SSBP4: variants seen among roughly 807,000 people sequenced by gnomAD.
SSBP4 encodes single-stranded DNA-binding protein 4.
Under a neutral mutation model 64.6 loss-of-function variants are expected in SSBP4, and 33 were observed. That is an observed-to-expected ratio of 0.51 (90% CI 0.39 to 0.68). The LOEUF is 0.68. Among genes scored for constraint, SSBP4 ranks in the 30% least tolerant of loss-of-function variants. The probability of loss-of-function intolerance (pLI) is 0.00; values close to 1 mark genes in which losing one functional copy is unlikely to be tolerated. For missense variants in SSBP4, 583 were observed against 566.8 expected (o/e 1.03, Z -0.29); for synonymous variants, 243 against 224.0 (o/e 1.08, Z -0.76).
At chr19:18,407,957 C>A in the SSBP4 span, among the ~76,000 whole-genome samples, 1 of 152,280 alleles carries the variant, frequency 6.6e-6, no homozygotes, top group South Asian at 2.1e-4. Flanking sequence ...ATTGCCCAGA[C>A]TGGTCTCAAA....
Position 18,431,379 on chromosome 19 carries a change from C to T in SSBP4, c.396C>T (p.Pro132=). The change falls in exon 6 of 18, where the codon CCC becomes CCT. Residue 132 remains proline (P), a synonymous_variant. Coordinates refer to ENST00000270061, the MANE Select transcript of SSBP4 (RefSeq NM_032627.5). The stretch of plus-strand genomic sequence containing the variant: ...GCCCCCCCGGCTCCCAGCCGTCCCC[C>T]CACAACCCCAACGCCCCCATGATGG... The part of the protein sequence containing the change: ...FQGPPGSQPS[P]HNPNAPMMGP... 1.4e-6 allele frequency: 2 copies of T among 1,443,470 alleles called. No homozygotes were observed. The highest frequency in any genetic ancestry group is 1.9e-6 in the Non-Finnish European group (2 of 1,063,590). The allele number at this position is 1,443,470 out of a possible 1,614,324, so 89.4% of individuals were successfully genotyped here. A position where few individuals can be genotyped will look rare whatever the true frequency, so the allele number is the denominator to read the frequency against.
the SSBP4 span, among the ~76,000 whole-genome samples, chr19:18,408,497 T>C: frequency 2.5e-4 from 18 of 72,046 alleles, no homozygotes; most frequent in Non-Finnish European, 5.4e-4. Context: ...AAGCCACCAA[T>C]TTTTTTTTTT....
the SSBP4 span, among the ~76,000 whole-genome samples, chr19:18,412,130 A>C: frequency 6.6e-6 from 1 of 151,902 alleles, no homozygotes; most frequent in Non-Finnish European, 1.5e-5. Context: ...GTGCCACTGC[A>C]CTCCAGCCTG....
Position 18,433,021 on chromosome 19 carries a change from G to A in SSBP4, c.890G>A (p.Gly297Glu), listed in dbSNP as rs199983463. 1.7e-4 allele frequency: 270 copies of A among 1,614,136 alleles called. No individual in the cohort carries two copies. Among genetic ancestry groups the A allele is most frequent in the Non-Finnish European group, 2.1e-4 (253 of 1,180,020 alleles). ...ENMYTIMNPI[G>E]QGAGRANFPL... Reference sequence around the variant, plus strand: ...ATGTACACTATCATGAACCCCATCGGGCAGGGCGCCGGCAGGGCTAATGTG... The same window carrying A: ...ATGTACACTATCATGAACCCCATCGAGCAGGGCGCCGGCAGGGCTAATGTG... Residue 297 changes from glycine to glutamate, a missense_variant, in exon 14 of 18, where the codon GGG becomes GAG. Gly to Glu is a moderately conservative substitution (Grantham distance 98). Transcript: ENST00000270061.
chr19:18,405,578 ACT>A, the SSBP4 span, among the ~76,000 whole-genome samples: 1 of 151,946 alleles, frequency 6.6e-6, no homozygotes, highest in South Asian at 2.1e-4. Flanking sequence ...ATCATTGCTC[ACT>A]GCACTGCATC....
upstream of SSBP4, among the ~76,000 whole-genome samples, chr19:18,416,441 G>C (rs530140936): frequency 7.9e-5 from 12 of 152,310 alleles, no homozygotes; most frequent in African/African-American, 2.6e-4. Flanking sequence ...CCTCCGAAGT[G>C]CTGGGGCTAC....
At chr19:18,404,678 G>A in the SSBP4 span, among the ~76,000 whole-genome samples, 7 of 150,360 alleles carry the variant, frequency 4.7e-5, no homozygotes, top group Non-Finnish European at 3.0e-5. Context: ...GGATCACAAG[G>A]TCAGGAGATT....
upstream of SSBP4, chr19:18,419,312 C>T (rs1193552431): frequency 1.7e-5 from 17 of 1,006,238 alleles, no homozygotes; most frequent in Non-Finnish European, 2.0e-5. Flanking sequence ...ACCCGCGCGC[C>T]CGCCATCGCC....
At chr19:18,418,141 G>C (rs1205561719), upstream of SSBP4, among the ~76,000 whole-genome samples, 1 of 152,134 alleles carries the variant, frequency 6.6e-6, no homozygotes, top group Admixed American at 6.5e-5. This position sits in a 1 kb window ranked among gnomAD's most constrained non-coding sequence, Gnocchi z 6.7. Flanking sequence ...GCGCAGCCAG[G>C]GACAGTCGCC....
Position 18,433,571 on chromosome 19 carries a change from G to T in SSBP4, c.992-14G>T. ...CACGTCTGAGCCGGTGCCCGTGTCT[G>T]TCCGTGTCTGTAGGCTCGGGCGACA... On this transcript the variant is annotated splice_polypyrimidine_tract_variant and intron_variant, in intron 15 of 17. Transcript: ENST00000270061. 6.5e-7 allele frequency: 1 copy of T among 1,546,120 alleles called. No individual in the cohort carries two copies.
At position 18,433,122 on chromosome 19, in the gene SSBP4, C is replaced by G. The variant is rs1487219615; in HGVS notation, c.913-13C>G. ...TGGGTGGCCCGAGTCCCACGCTGTC[C>G]CCATGCCCGCAGTTCCCGCTCGGCC... On this transcript the variant is annotated splice_polypyrimidine_tract_variant and intron_variant, in intron 14 of 17. Coordinates refer to ENST00000270061, the MANE Select transcript of SSBP4 (RefSeq NM_032627.5). 17 of 1,611,096 alleles carry G rather than the reference C, an allele frequency of 1.1e-5. No individual in the cohort carries two copies.
chr19:18,419,488 C>T lies in SSBP4; in HGVS notation c.-161C>T, dbSNP rs539441578. 20 of 1,091,168 alleles carry T rather than the reference C, an allele frequency of 1.8e-5. No individual in the cohort carries two copies. Among genetic ancestry groups the T allele is most frequent in the Middle Eastern group, 4.0e-4 (1 of 2,470 alleles). 67.6% of individuals were successfully genotyped at this position (1,091,168 alleles called of 1,614,324 possible). A position where few individuals can be genotyped will look rare whatever the true frequency, so the allele number is the denominator to read the frequency against. On this transcript the variant is annotated 5_prime_UTR_variant, in exon 1 of 18. Transcript: ENST00000270061. ...GCTGGAGCCGCCGCTGCCGCCGCCG[C>T]CGCGGCCGTCTGGAGCTCCCCCGCG...
chr19:18,431,576 A>G, intron 6 of SSBP4, 71 bp from the exon 7 acceptor site: 3 of 1,503,276 alleles, frequency 2.0e-6, no homozygotes, highest in Non-Finnish European at 1.8e-6. Flanking sequence ...GGGCCCCAGC[A>G]TAGCAGGAAT....
chr19:18,430,096 C>A (rs1211382098), intron 4 of SSBP4, among the ~76,000 whole-genome samples: 1 of 152,168 alleles, frequency 6.6e-6, no homozygotes, highest in African/African-American at 2.4e-5. Context: ...CCATCACCTT[C>A]TTTTTGGGGT....
the SSBP4 span, among the ~76,000 whole-genome samples, chr19:18,409,119 C>A: frequency 6.6e-6 from 1 of 151,960 alleles, no homozygotes; most frequent in Non-Finnish European, 1.5e-5. Flanking sequence ...CGGCCTAAAT[C>A]AGCAAATTAT....
At chr19:18,429,906 G>A (rs1973205699) in intron 4 of SSBP4, among the ~76,000 whole-genome samples, 1 of 152,108 alleles carries the variant, frequency 6.6e-6, no homozygotes, top group South Asian at 2.1e-4. Flanking sequence ...CAGGGGGAGG[G>A]AGGATTTCTC....
intron 1 of SSBP4, among the ~76,000 whole-genome samples, chr19:18,425,130 C>T (rs1972753171): frequency 6.6e-6 from 1 of 151,720 alleles, no homozygotes; most frequent in Admixed American, 6.6e-5. Context: ...AGGGGGCCAC[C>T]TCCTGGGTTA....
chr19:18,433,635 CGGGGGTGGGATCCGGG>C, intron 16 of SSBP4, 22 bp downstream of exon 16: 1 of 774,036 alleles, frequency 1.3e-6, no homozygotes, highest in Non-Finnish European at 1.5e-6. Flanking sequence ...GCGCTCTTGC[CGGGGGTGGGATCCGGG>C]GGGGGTGGCG....
intron 5 of SSBP4, 38 bp downstream of exon 5, chr19:18,430,968 G>A: frequency 5.6e-6 from 9 of 1,602,738 alleles, no homozygotes; most frequent in Non-Finnish European, 7.6e-6. Context: ...CCCCAACTCT[G>A]GCTGAACATG....
Sources: allele counts gnomAD v4.1 joint callset (sites outside exome capture counted in the v4.1 genomes callset), GRCh38; gene constraint gnomAD v4.1.1; non-coding constraint Gnocchi (gnomAD v3.1); transcripts MANE v1.5; gene names NCBI Gene and HGNC (gene_info 2026-07-23, HGNC 2026-07-21).